Variants in NT5C2 observed in about 807,000 individuals in gnomAD.
NT5C2 encodes 5'-nucleotidase, cytosolic II.
Under a neutral mutation model 76.1 loss-of-function variants are expected in NT5C2, and 58 were observed. That is an observed-to-expected ratio of 0.76 (90% CI 0.62 to 0.95). NT5C2 has a LOEUF of 0.95. Ranked by LOEUF, NT5C2 falls within the 40% of genes least tolerant of loss-of-function variation. The probability of loss-of-function intolerance (pLI) is 0.00; values close to 1 mark genes in which losing one functional copy is unlikely to be tolerated. For synonymous variants in NT5C2, 229 were observed against 237.4 expected, an observed-to-expected ratio of 0.96 and a Z score of 0.32; for missense variants, 478 against 690.3, an observed-to-expected ratio of 0.69 and a Z score of 3.45.
At chr10:103,110,646 G>A (rs954077626) in intron 4 of NT5C2, among the ~76,000 whole-genome samples, 3 of 152,120 alleles carry the variant, frequency 2.0e-5, no homozygotes, top group Admixed American at 6.5e-5. Context: ...TTAATAAAGA[G>A]AGTCCAAGTT....
chr10:103,188,480 G>A lies in NT5C2; in HGVS notation c.-169+4756C>T, dbSNP rs146084180. Among the ~76,000 whole-genome samples, 464 of 152,258 alleles carry A rather than the reference G, an allele frequency of 3.0e-3. 3 individuals are homozygous for A. The highest frequency in any genetic ancestry group is 8.1e-3 in the South Asian group (39 of 4,826). On this transcript the variant is annotated intron_variant, in intron 1 of 18. Transcript: ENST00000404739. ...AGAATATAGAGATGAACAGCCTTAC[G>A]GATCAAAGGTAGGGAAGACTTTCTT... is the stretch of plus-strand genomic sequence containing the variant.
intron 3 of NT5C2, among the ~76,000 whole-genome samples, chr10:103,163,662 C>T (rs967763086): frequency 6.0e-5 from 9 of 150,468 alleles, no homozygotes; most frequent in South Asian, 2.1e-4. Flanking sequence ...AGTCCTTTAT[C>T]GAATTTTTTT....
intron 6 of NT5C2, 61 bp from the exon 7 acceptor site, chr10:103,101,387 A>G: frequency 2.1e-6 from 2 of 951,490 alleles, no homozygotes; most frequent in Non-Finnish European, 3.2e-6. Flanking sequence ...ATTGGGAAAT[A>G]GCATTATTCA....
chr10:103,189,078 C>G (rs1384872352), intron 1 of NT5C2, among the ~76,000 whole-genome samples: 2 of 151,420 alleles, frequency 1.3e-5, no homozygotes, highest in Non-Finnish European at 2.9e-5. Context: ...AAATCTGATG[C>G]CTGAAATTTA....
At chr10:103,162,349 C>G (rs2085129956) in intron 3 of NT5C2, among the ~76,000 whole-genome samples, 1 of 152,022 alleles carries the variant, frequency 6.6e-6, no homozygotes, top group Non-Finnish European at 1.5e-5. Context: ...CACACACACA[C>G]CTTCCATAAA....
At chr10:103,183,278 T>TATATATA (rs1760656284) in intron 1 of NT5C2, among the ~76,000 whole-genome samples, 1 of 134,884 alleles carries the variant, frequency 7.4e-6, no homozygotes, top group Admixed American at 7.5e-5. Context: ...TATATATATA[T>TATATATA]ATATATATAT....
At position 103,089,089 on chromosome 10, in the gene NT5C2, G is replaced by T. The variant is rs1054097663; in HGVS notation, c.*583C>A. On this transcript the variant is annotated 3_prime_UTR_variant, in exon 19 of 19. Transcript: ENST00000404739. ...AGAATCCTGCCCTAAAGCAACGCAA[G>T]TAGAGCATACTTCTGTGCAAAGCCA... 8.9e-6 allele frequency: 2 copies of T among 225,668 alleles called. No individual in the cohort carries two copies. The highest frequency in any genetic ancestry group is 3.6e-4 in the South Asian group (2 of 5,488). 14.0% of individuals were successfully genotyped at this position (225,668 alleles called of 1,614,324 possible).
Position 103,123,847 on chromosome 10 carries a change from TG to T in NT5C2, c.175+15558del, listed in dbSNP as rs111919326. Among the ~76,000 whole-genome samples, 9 of 150,760 alleles carry T rather than the reference TG, an allele frequency of 6.0e-5. No homozygotes were observed. In the East Asian group the frequency reaches 1.6e-3, roughly 26 times the overall value. Reference sequence around the variant, plus strand: ...GCCAAAAAACTCAAGCCTTCGAAATTGGGGGGGGAAAAAAAAAGTCATTATG... The same window carrying T: ...GCCAAAAAACTCAAGCCTTCGAAATTGGGGGGGAAAAAAAAAGTCATTATG... On this transcript the variant is annotated intron_variant, in intron 4 of 18. Coordinates refer to ENST00000404739, the MANE Select transcript of NT5C2 (RefSeq NM_001351169.2).
intron 3 of NT5C2, chr10:103,145,893 T>C (rs960600112): frequency 5.3e-5 from 10 of 190,122 alleles, no homozygotes; most frequent in Non-Finnish European, 9.7e-5. Flanking sequence ...CCATAAGAAA[T>C]AGAGCCATTA....
intron 3 of NT5C2, among the ~76,000 whole-genome samples, chr10:103,141,437 A>C (rs1340088523): frequency 6.6e-6 from 1 of 152,200 alleles, no homozygotes; most frequent in Non-Finnish European, 1.5e-5. Context: ...CAGCCTGGGC[A>C]GCAGAGTGAG....
intron 4 of NT5C2, among the ~76,000 whole-genome samples, chr10:103,135,084 T>C (rs1261618563): frequency 1.3e-5 from 2 of 152,096 alleles, no homozygotes; most frequent in Non-Finnish European, 2.9e-5. Flanking sequence ...TTGTTTCAGA[T>C]GAGATATTGG....
At chr10:103,172,414 A>G (rs2088405264) in intron 3 of NT5C2, among the ~76,000 whole-genome samples, 1 of 151,244 alleles carries the variant, frequency 6.6e-6, no homozygotes, top group African/African-American at 2.4e-5. Context: ...ACACCCGGCT[A>G]ATTTTTGTAT....
intron 3 of NT5C2, among the ~76,000 whole-genome samples, chr10:103,159,707 G>T (rs2084338998): frequency 6.6e-6 from 1 of 150,456 alleles, no homozygotes; most frequent in Admixed American, 6.6e-5. Context: ...AACAACAGAA[G>T]TGCAAGACCT....
At chr10:103,145,605 T>C (rs367601752) in intron 3 of NT5C2, among the ~76,000 whole-genome samples, 3 of 152,188 alleles carry the variant, frequency 2.0e-5, no homozygotes, top group East Asian at 3.8e-4. Context: ...TCCCGAAGCT[T>C]GCTTTTAAAA....
At chr10:103,170,779 G>A (rs575640054) in intron 3 of NT5C2, among the ~76,000 whole-genome samples, 15 of 151,678 alleles carry the variant, frequency 9.9e-5, no homozygotes, top group African/African-American at 2.2e-4. Context: ...CGCCTGGCTC[G>A]GCCTCCCAAA....
At chr10:103,173,812 T>A (rs558149290) in intron 3 of NT5C2, among the ~76,000 whole-genome samples, 3 of 151,358 alleles carry the variant, frequency 2.0e-5, no homozygotes, top group Non-Finnish European at 4.4e-5. Flanking sequence ...ATTTCATTCC[T>A]GGGCTGGGTG....
chr10:103,118,926 A>G (rs545846714), intron 4 of NT5C2, among the ~76,000 whole-genome samples: 55 of 152,124 alleles, frequency 3.6e-4, no homozygotes, highest in South Asian at 2.3e-3. Flanking sequence ...GGGGAGGGCA[A>G]GAGTCCAAAA....
At chr10:103,135,358 T>C (rs1232279292) in intron 4 of NT5C2, among the ~76,000 whole-genome samples, 1 of 152,280 alleles carries the variant, frequency 6.6e-6, no homozygotes, top group Middle Eastern at 3.4e-3. Flanking sequence ...GATCTGATGG[T>C]TTTAAAAAGG....
intron 4 of NT5C2, among the ~76,000 whole-genome samples, chr10:103,129,534 A>G (rs1309835447): frequency 3.7e-3 from 302 of 82,328 alleles, no homozygotes; most frequent in Middle Eastern, 8.9e-3. Flanking sequence ...TGGGGGGGTC[A>G]GCCCCCCGCC....
Sources: allele counts gnomAD v4.1 joint callset (sites outside exome capture counted in the v4.1 genomes callset), GRCh38; gene constraint gnomAD v4.1.1; transcripts MANE v1.5; gene names NCBI Gene and HGNC (gene_info 2026-07-23, HGNC 2026-07-21).